The following CLYBL variants were observed in gnomAD, a reference collection of about 807,000 sequenced individuals.
The protein encoded by CLYBL is citramalyl-CoA lyase.
In CLYBL, 31 loss-of-function variants were observed where a neutral mutation model predicts 38.9. The ratio of observed to expected loss-of-function variants is 0.80; its 90% CI spans 0.60 to 1.08. CLYBL has a LOEUF of 1.08. Among genes scored for constraint, CLYBL ranks in the 50% least tolerant of loss-of-function variants. CLYBL has a pLI of 0.00. For missense variants in CLYBL, 434 were observed against 411.6 expected, an observed-to-expected ratio of 1.05 and a Z score of -0.47; for synonymous variants, 171 against 158.6, an observed-to-expected ratio of 1.08 and a Z score of -0.59.
intron 2 of CLYBL, among the ~76,000 whole-genome samples, chr13:99,777,496 CTT>C (rs200830971): frequency 4.2e-5 from 6 of 143,222 alleles, no homozygotes. Context: ...CTTTTCTTTT[CTT>C]TTTTTTTTTT....
intron 1 of CLYBL, among the ~76,000 whole-genome samples, chr13:99,639,713 C>T (rs1296903996): frequency 6.6e-6 from 1 of 152,010 alleles, no homozygotes; most frequent in African/African-American, 2.4e-5. Flanking sequence ...GCCAACGCAG[C>T]GAGACCATAT....
chr13:99,761,543 T>G (rs12875806), intron 1 of CLYBL, among the ~76,000 whole-genome samples: 30,806 of 151,962 alleles, frequency 0.2, 3,213 homozygotes, highest in East Asian at 0.28. Context: ...CACACACACA[T>G]TCACGTAACA....
At chr13:99,813,639 C>T (rs372855681) in intron 2 of CLYBL, among the ~76,000 whole-genome samples, 15 of 152,160 alleles carry the variant, frequency 9.9e-5, no homozygotes, top group Non-Finnish European at 1.5e-5. Context: ...CAGCAAGCTT[C>T]GGTGTCTTCA....
chr13:99,692,285 T>TG (rs1555353007), intron 1 of CLYBL, among the ~76,000 whole-genome samples: 1 of 111,114 alleles, frequency 9.0e-6, no homozygotes. Context: ...TTGTTTTTTT[T>TG]GTTTTTTTTT....
intron 1 of CLYBL, among the ~76,000 whole-genome samples, chr13:99,667,150 G>C (rs1425858787): frequency 6.6e-6 from 1 of 152,120 alleles, no homozygotes; most frequent in Non-Finnish European, 1.5e-5. Flanking sequence ...TGGGGCTTTG[G>C]GGGTCTTGGG....
chr13:99,699,591 G>A (rs905108699), intron 1 of CLYBL, among the ~76,000 whole-genome samples: 21 of 151,890 alleles, frequency 1.4e-4, no homozygotes, highest in Admixed American at 1.2e-3. Flanking sequence ...TACTCAGAAG[G>A]CTGAGGCAGG....
At chr13:99,736,038 C>CTTTTTTTTTTTTT (rs767129851) in intron 1 of CLYBL, among the ~76,000 whole-genome samples, 10 of 76,172 alleles carry the variant, frequency 1.3e-4, no homozygotes, top group Non-Finnish European at 1.9e-4. Context: ...CGTTTCTTTT[C>CTTTTTTTTTTTTT]TTTTTTTTTT....
At chr13:99,766,736 A>C (rs1034582614) in intron 1 of CLYBL, among the ~76,000 whole-genome samples, 2 of 151,896 alleles carry the variant, frequency 1.3e-5, no homozygotes, top group African/African-American at 4.8e-5. Flanking sequence ...CCTTAAACCC[A>C]GGTTCACCTC....
Position 99,773,018 on chromosome 13 carries a change from C to CAT in CLYBL, c.249+9_249+10dup. 6.2e-7 allele frequency: 1 copy of CAT among 1,604,714 alleles called. No individual in the cohort carries two copies. On this transcript the variant is annotated intron_variant, in intron 2 of 8. Transcript: ENST00000339105. Reference sequence around the variant, plus strand: ...GTGGCTGCAAACAAAAAGGTAATGGCATGATTTTAGTATGAGAAAAAGAAA... The same window carrying CAT: ...GTGGCTGCAAACAAAAAGGTAATGGCATATGATTTTAGTATGAGAAAAAGAAA...
intron 1 of CLYBL, among the ~76,000 whole-genome samples, chr13:99,632,226 C>T (rs1480159251): frequency 1.3e-5 from 2 of 152,158 alleles, no homozygotes; most frequent in Non-Finnish European, 2.9e-5. Context: ...CCTTGGTTGG[C>T]TACTAAACTA....
At chr13:99,879,982 T>C (rs1430682584) in intron 7 of CLYBL, among the ~76,000 whole-genome samples, 1 of 150,930 alleles carries the variant, frequency 6.6e-6, no homozygotes, top group African/African-American at 2.4e-5. Flanking sequence ...GCCACAGTAG[T>C]GACAGTGCTG....
intron 2 of CLYBL, among the ~76,000 whole-genome samples, chr13:99,824,257 G>GCCCCTCCCCCCCCCC (rs2050646935): frequency 7.7e-6 from 1 of 130,414 alleles, no homozygotes; most frequent in African/African-American, 2.9e-5. Context: ...CTGACTAATA[G>GCCCCTCCCCCCCCCC]CCCCCCCCAC....
chr13:99,847,897 C>A lies in CLYBL; in HGVS notation c.250-10964C>A, dbSNP rs544469682. Reference sequence around the variant, plus strand: ...GTCCTTTCTCCCCAATGGAACGGAGCGTCATTCCTTGTGTCTCCAAGCCCT... The same window carrying A: ...GTCCTTTCTCCCCAATGGAACGGAGAGTCATTCCTTGTGTCTCCAAGCCCT... On this transcript the variant is annotated intron_variant, in intron 2 of 8. Transcript: ENST00000339105. Among the ~76,000 whole-genome samples the A allele has an allele frequency of 3.3e-5, 5 of 152,208 alleles. No individual in the cohort carries two copies. The East Asian group carries it at 9.6e-4, about 29-fold the overall frequency.
intron 1 of CLYBL, among the ~76,000 whole-genome samples, chr13:99,647,697 C>G (rs371341864): frequency 1.3e-5 from 2 of 152,142 alleles, no homozygotes; most frequent in African/African-American, 4.8e-5. Context: ...TAAGTCCTCT[C>G]GAAGCTGAGA....
intron 1 of CLYBL, among the ~76,000 whole-genome samples, chr13:99,733,698 CTG>C (rs1362588025): frequency 1.3e-5 from 2 of 152,238 alleles, no homozygotes; most frequent in Non-Finnish European, 1.5e-5. Context: ...GCGCACGTCT[CTG>C]TTCCTTCTGA....
At chr13:99,689,043 C>A (rs1422173064) in intron 1 of CLYBL, among the ~76,000 whole-genome samples, 3 of 152,148 alleles carry the variant, frequency 2.0e-5, no homozygotes, top group Non-Finnish European at 4.4e-5. Context: ...TAAAACCGGC[C>A]TCACACCCCA....
intron 1 of CLYBL, among the ~76,000 whole-genome samples, chr13:99,757,651 G>A (rs998278470): frequency 6.6e-6 from 1 of 152,108 alleles, no homozygotes; most frequent in Admixed American, 6.5e-5. Context: ...TAGAGTCAGG[G>A]TTTCACCATG....
At chr13:99,717,562 G>A (rs1030687702) in intron 1 of CLYBL, among the ~76,000 whole-genome samples, 6 of 151,360 alleles carry the variant, frequency 4.0e-5, no homozygotes, top group African/African-American at 4.9e-5. Context: ...CAGGCTCCCC[G>A]GATCCTCCTG....
rs970032232 is a variant in CLYBL, at chr13:99,638,416, TAC to T, written c.62+31669_62+31670del. Among the ~76,000 whole-genome samples, 5 of 152,210 alleles carry T rather than the reference TAC, an allele frequency of 3.3e-5. No homozygotes were observed. In the East Asian group the frequency reaches 5.8e-4, roughly 18 times the overall value. ...ATTTGTGTAAAATATTACATAGACATACACACACACAATATATGTGTGCCTTA... is the reference window on the plus strand; with the variant it reads ...ATTTGTGTAAAATATTACATAGACATACACACACAATATATGTGTGCCTTA... On this transcript the variant is annotated intron_variant, in intron 1 of 8. Transcript: ENST00000339105.
Sources: gnomAD v4.1 joint callset for allele counts (sites outside exome capture counted in the v4.1 genomes callset) on GRCh38, gnomAD v4.1.1 for gene constraint, MANE v1.5 for transcripts, NCBI Gene and HGNC (gene_info 2026-07-23, HGNC 2026-07-21) for gene names.